The following CDH10 variants were observed in gnomAD, a reference collection of about 807,000 sequenced individuals.
CDH10 encodes the protein cadherin-10.
In CDH10, 30 loss-of-function variants were observed where a neutral mutation model predicts 73.1. That is an observed-to-expected ratio of 0.41 (90% CI 0.31 to 0.56). The LOEUF is 0.56. Among genes scored for constraint, CDH10 ranks in the 20% least tolerant of loss-of-function variants. The probability of loss-of-function intolerance (pLI) is 0.27; values close to 1 mark genes in which losing one functional copy is unlikely to be tolerated. For missense variants in CDH10, 815 were observed against 973.7 expected, an observed-to-expected ratio of 0.84 and a Z score of 2.17; for synonymous variants, 345 against 348.2, an observed-to-expected ratio of 0.99 and a Z score of 0.10.
chr5:24,565,139 T>G (rs781573035), intron 2 of CDH10, among the ~76,000 whole-genome samples: 57 of 151,892 alleles, frequency 3.8e-4, no homozygotes, highest in Non-Finnish European at 7.1e-4. Flanking sequence ...ATGTATAGGT[T>G]AATCTTCAAT....
chr5:24,518,577 C>T (rs1029200223), intron 5 of CDH10, among the ~76,000 whole-genome samples: 1 of 152,008 alleles, frequency 6.6e-6, no homozygotes, highest in Admixed American at 6.6e-5. Flanking sequence ...TATTCACAGT[C>T]TTTAGTAAAA....
chr5:24,531,488 G>A (rs1010578094), intron 5 of CDH10, among the ~76,000 whole-genome samples: 5 of 152,192 alleles, frequency 3.3e-5, no homozygotes, highest in South Asian at 2.1e-4. Context: ...AAGGAAAGAC[G>A]TTTAATTGAC....
chr5:24,538,842 C>T (rs919646074), intron 2 of CDH10, among the ~76,000 whole-genome samples: 3 of 151,976 alleles, frequency 2.0e-5, no homozygotes, highest in Admixed American at 6.6e-5. Flanking sequence ...AAAAGTAAAG[C>T]GTGGCCACAG....
chr5:24,535,179 T>A lies in CDH10; in HGVS notation c.747A>T (p.Leu249Phe), dbSNP rs770608584. 4.2e-5 allele frequency: 68 copies of A among 1,613,420 alleles called. No homozygotes were observed. The change falls in exon 5 of 12, where the codon TTA becomes TTT. Residue 249 changes from leucine (L) to phenylalanine (F), a missense_variant. By Grantham distance (22) the Leu-to-Phe change is conservative (BLOSUM62 0). This residue lies in a region of CDH10 where 516 missense variants were observed against 636.6 expected (regional missense o/e 0.81). Transcript: ENST00000264463. Reference sequence around the variant, plus strand: ...TGATGTTCACAGTGGTTGTCCCCGATAAGCCTCCCATCTGGCCGCCCATGT... The same window carrying A: ...TGATGTTCACAGTGGTTGTCCCCGAAAAGCCTCCCATCTGGCCGCCCATGT... ...AKDMGGQMGG[L>F]SGTTTVNITL... is the part of the protein sequence containing the mutation.
chr5:24,569,375 A>C (rs1745282524), intron 2 of CDH10, among the ~76,000 whole-genome samples: 1 of 152,136 alleles, frequency 6.6e-6, no homozygotes, highest in Non-Finnish European at 1.5e-5. Context: ...TAAAAAGTAC[A>C]TATTATGCTG....
chr5:24,629,119 G>A (rs568208542), intron 1 of CDH10, among the ~76,000 whole-genome samples: 1 of 152,156 alleles, frequency 6.6e-6, no homozygotes, highest in South Asian at 2.1e-4. Context: ...GCAAGAATCA[G>A]TTTAACAAAA....
intron 9 of CDH10, among the ~76,000 whole-genome samples, chr5:24,493,349 T>G (rs1742134182): frequency 6.6e-6 from 1 of 151,940 alleles, no homozygotes; most frequent in East Asian, 1.9e-4. Flanking sequence ...TTATAGGTAA[T>G]GTTATATATT....
chr5:24,632,013 A>T (rs1226247147), intron 1 of CDH10, among the ~76,000 whole-genome samples: 1 of 152,098 alleles, frequency 6.6e-6, no homozygotes. Flanking sequence ...AATGAAAAGC[A>T]GTTCAAAAAT....
At chr5:24,619,330 A>T (rs1174882222) in intron 1 of CDH10, among the ~76,000 whole-genome samples, 4 of 152,108 alleles carry the variant, frequency 2.6e-5, no homozygotes, top group African/African-American at 9.7e-5. Flanking sequence ...AGTAGCTGGG[A>T]CTACAGGCAC....
chr5:24,605,096 A>G (rs1352348843), intron 1 of CDH10, among the ~76,000 whole-genome samples: 2 of 152,204 alleles, frequency 1.3e-5, no homozygotes, highest in Non-Finnish European at 2.9e-5. Flanking sequence ...AAATAAGCAT[A>G]TAAAGACTTG....
At chr5:24,496,910 A>T (rs933062507) in intron 9 of CDH10, among the ~76,000 whole-genome samples, 12 of 152,192 alleles carry the variant, frequency 7.9e-5, no homozygotes, top group Admixed American at 5.2e-4. Flanking sequence ...GTGACATCTA[A>T]CAAACTGGTC....
chr5:24,605,770 A>C (rs1746739702), intron 1 of CDH10, among the ~76,000 whole-genome samples: 2 of 152,234 alleles, frequency 1.3e-5, no homozygotes, highest in Non-Finnish European at 2.9e-5. Flanking sequence ...ACAAATGATT[A>C]TATCTTCTTT....
intron 8 of CDH10, among the ~76,000 whole-genome samples, chr5:24,504,116 TAAA>T (rs1255004504): frequency 1.3e-5 from 2 of 152,142 alleles, no homozygotes; most frequent in African/African-American, 4.8e-5. Flanking sequence ...CATTTTGGCA[TAAA>T]GATTATTTTG....
At chr5:24,512,033 G>T (rs1349159726) in intron 5 of CDH10, among the ~76,000 whole-genome samples, 2 of 151,924 alleles carry the variant, frequency 1.3e-5, no homozygotes, top group Non-Finnish European at 2.9e-5. Context: ...ATAATTACTG[G>T]GTACCAGGCC....
At chr5:24,579,342 AAT>A (rs58478988) in intron 2 of CDH10, among the ~76,000 whole-genome samples, 58,953 of 150,364 alleles carry the variant, frequency 0.39, 13,559 homozygotes, top group East Asian at 0.53. Flanking sequence ...GGAAAACAAA[AAT>A]ATATATATAT....
intron 10 of CDH10, 82 bp from the exon 11 acceptor site, chr5:24,491,909 TAAAAAC>T: frequency 5.2e-6 from 4 of 765,028 alleles, no homozygotes; most frequent in Middle Eastern, 3.9e-4. Flanking sequence ...AACATATAAA[TAAAAAC>T]ATATTTATGT....
chr5:24,514,878 GAT>G (rs10604051), intron 5 of CDH10, among the ~76,000 whole-genome samples: 72,139 of 151,254 alleles, frequency 0.48, 17,229 homozygotes, highest in East Asian at 0.58. Flanking sequence ...GTTAGATTGA[GAT>G]ATATATATAC....
chr5:24,488,286 T>G (rs1417565739), intron 11 of CDH10, 133 bp from the exon 12 acceptor site: 1 of 798,424 alleles, frequency 1.3e-6, no homozygotes, highest in African/African-American at 1.7e-5. Flanking sequence ...ATTTTGTGCT[T>G]CCCACAGTTT....
At chr5:24,521,078 C>T (rs1471357984) in intron 5 of CDH10, among the ~76,000 whole-genome samples, 2 of 152,046 alleles carry the variant, frequency 1.3e-5, no homozygotes, top group Admixed American at 1.3e-4. Context: ...AAACACAGTT[C>T]TGCTATATAA....
Sources: gnomAD v4.1 joint callset for allele counts (sites outside exome capture counted in the v4.1 genomes callset) on GRCh38, gnomAD v4.1.1 for gene constraint, gnomAD v4.1.1 regional missense constraint, MANE v1.5 for transcripts, NCBI Gene and HGNC (gene_info 2026-07-23, HGNC 2026-07-21) for gene names.